The following TBKBP1 variants were observed in gnomAD, a reference collection of about 807,000 sequenced individuals.
TBKBP1 encodes TANK-binding kinase 1-binding protein 1.
In TBKBP1, 47 loss-of-function variants were observed where a neutral mutation model predicts 69.9. That is an observed-to-expected ratio of 0.67 (90% CI 0.53 to 0.86). The LOEUF is 0.86. Ranked by LOEUF, TBKBP1 falls within the 40% of genes least tolerant of loss-of-function variation. The pLI, the probability that TBKBP1 is intolerant of heterozygous loss-of-function variation, is 0.00. For missense variants in TBKBP1, 831 were observed against 858.6 expected, an observed-to-expected ratio of 0.97 and a Z score of 0.40; for synonymous variants, 418 against 390.3, an observed-to-expected ratio of 1.07 and a Z score of -0.84.
At chr17:47,705,611 C>G (rs569535053) in intron 7 of TBKBP1, among the ~76,000 whole-genome samples, 1 of 152,322 alleles carries the variant, frequency 6.6e-6, no homozygotes, top group South Asian at 2.1e-4. Context: ...GCCAGGAAGC[C>G]AGGAAATGGA....
chr17:47,706,242 C>T (rs1287649977), intron 7 of TBKBP1, among the ~76,000 whole-genome samples: 1 of 152,146 alleles, frequency 6.6e-6, no homozygotes, highest in Non-Finnish European at 1.5e-5. Context: ...CCTCTCCTTC[C>T]CCTGCTGCCA....
At position 47,709,422 on chromosome 17, in the gene TBKBP1, C is replaced by T. The variant is rs764528283; in HGVS notation, c.1689C>T (p.Ala563=). The T allele has an allele frequency of 3.9e-6, 6 of 1,542,060 alleles. No individual in the cohort carries two copies. The highest frequency in any genetic ancestry group is 3.8e-5 in the Admixed American group (2 of 52,856). Reference sequence around the variant, plus strand: ...CCGCCGCCACCGCCTACGCCCACGCCGAGCACGCGCAGTCCTGGCCGTCCA... The same window carrying T: ...CCGCCGCCACCGCCTACGCCCACGCTGAGCACGCGCAGTCCTGGCCGTCCA... ...ESPAATAYAH[A]EHAQSWPSIN... The change falls in exon 9 of 10, where the codon GCC becomes GCT. Residue 563 remains alanine (A), a synonymous_variant. Coordinates refer to ENST00000578982, the MANE Select transcript of TBKBP1 (RefSeq NM_001394755.1).
chr17:47,696,124 G>A lies in TBKBP1; in HGVS notation c.12G>A (p.Met4Ile), dbSNP rs777410274. ...GCCCGGCCCTCACCATGGAGTCCAT[G>A]TTCGAGGACGACATCAGCATCCTGA... MES[M>I]FEDDISILTQ... Residue 4 changes from methionine (M) to isoleucine (I), a missense_variant, in exon 2 of 10, where the codon ATG (methionine) becomes ATA (isoleucine). Physicochemically the swap from Met to Ile is conservative, Grantham distance 10. Coordinates refer to ENST00000578982, the MANE Select transcript of TBKBP1 (RefSeq NM_001394755.1). The A allele has an allele frequency of 1.4e-4, 229 of 1,611,344 alleles. No individual in the cohort carries two copies. Among genetic ancestry groups the A allele is most frequent in the Non-Finnish European group, 1.9e-4 (219 of 1,179,232 alleles).
chr17:47,707,969 T>C (rs2031753682), intron 7 of TBKBP1, among the ~76,000 whole-genome samples: 1 of 152,240 alleles, frequency 6.6e-6, no homozygotes, highest in African/African-American at 2.4e-5. Flanking sequence ...TGACAGAAGC[T>C]ACTATAAATT....
chr17:47,710,728 C>T lies in TBKBP1; in HGVS notation c.*102C>T, dbSNP rs1317243219. The T allele has an allele frequency of 4.0e-5, 59 of 1,461,536 alleles. No homozygotes were observed. Among genetic ancestry groups the T allele is most frequent in the East Asian group, 1.2e-4 (5 of 41,656 alleles). 90.5% of individuals were successfully genotyped at this position (1,461,536 alleles called of 1,614,324 possible). A position where few individuals can be genotyped will look rare whatever the true frequency, so the allele number is the denominator to read the frequency against. ...ATCTCGTGGGGGGTCCCTGCCCTTGCGACCCCCAGATACCTCCACTTGCTA... is the reference window on the plus strand; with the variant it reads ...ATCTCGTGGGGGGTCCCTGCCCTTGTGACCCCCAGATACCTCCACTTGCTA... On this transcript the variant is annotated 3_prime_UTR_variant, in exon 10 of 10. Transcript: ENST00000578982.
Position 47,696,249 on chromosome 17 carries a change from C to G in TBKBP1, c.137C>G (p.Thr46Ser). 13 of 1,613,752 alleles carry G rather than the reference C, an allele frequency of 8.1e-6. No homozygotes were observed. The highest frequency in any genetic ancestry group is 1.1e-5 in the Non-Finnish European group (13 of 1,179,852). The stretch of plus-strand genomic sequence containing the variant: ...TCCGCCTCCCACTTTGCCCTCATCA[C>G]TGCTTACGGAGACATCAAGGAACGG... ...MCSASHFALI[T>S]AYGDIKERLG... Residue 46 changes from threonine (T) to serine (S), a missense_variant, in exon 2 of 10, where the codon ACT (threonine) becomes AGT (serine). Thr to Ser is a moderately conservative substitution (Grantham distance 58). Transcript: ENST00000578982.
chr17:47,696,945 C>T, intron 3 of TBKBP1, 112 bp downstream of exon 3: 1 of 1,526,546 alleles, frequency 6.6e-7, no homozygotes, highest in South Asian at 1.3e-5. Flanking sequence ...TTAGAGATGG[C>T]CAGGTCCTCC....
rs2031217125 is a variant in TBKBP1, at chr17:47,696,050, C to G, written c.-34-29C>G. The G allele has an allele frequency of 7.5e-6, 10 of 1,327,964 alleles. No individual in the cohort carries two copies. The East Asian group carries it at 2.4e-4, about 31-fold the overall frequency. The allele number at this position is 1,327,964 out of a possible 1,614,324, so 82.3% of individuals were successfully genotyped here. ...CAGGGACAAACCCTAGACAGACGGC[C>G]CTGTCCACGGTTGCTCCTGCTCTCC... On this transcript the variant is annotated intron_variant, in intron 1 of 9. Coordinates refer to ENST00000578982, the MANE Select transcript of TBKBP1 (RefSeq NM_001394755.1).
At chr17:47,698,840 C>T in intron 5 of TBKBP1, 65 bp downstream of exon 5, 1 of 1,372,268 alleles carries the variant, frequency 7.3e-7, no homozygotes, top group Non-Finnish European at 9.8e-7. Context: ...TTCCTAGACA[C>T]CTCGCACTTA....
rs2031801557 is a variant in TBKBP1 at position 47,708,915 on chromosome 17, C to T, written c.1182C>T (p.Pro394=). The stretch of plus-strand genomic sequence containing the variant: ...CGGCCTCACCCTCCTGCCCGTCGCC[C>T]GTCCCGCAGCGCCGCTCGCCGGTGC... ...RSPASPSCPS[P]VPQRRSPVPP... is the part of the protein sequence containing the mutation. Residue 394 remains proline (P), a synonymous_variant, in exon 9 of 10, where the codon CCC becomes CCT. Coordinates refer to ENST00000578982, the MANE Select transcript of TBKBP1 (RefSeq NM_001394755.1). This position sits in a 1 kb window ranked among gnomAD's most constrained non-coding sequence, Gnocchi z 4.4. The T allele has an allele frequency of 7.4e-7, 1 of 1,350,366 alleles. No homozygotes were observed. Among genetic ancestry groups the T allele is most frequent in the Non-Finnish European group, 9.5e-7 (1 of 1,049,244 alleles). 83.6% of individuals were successfully genotyped at this position (1,350,366 alleles called of 1,614,324 possible).
At chr17:47,700,290 T>C (rs2031445393) in intron 7 of TBKBP1, among the ~76,000 whole-genome samples, 1 of 70,746 alleles carries the variant, frequency 1.4e-5, no homozygotes, top group African/African-American at 8.5e-5. Context: ...CGCCCGGACC[T>C]TTTTTTTTTT....
At chr17:47,698,452 A>G (rs2031338215) in intron 4 of TBKBP1, 143 bp from the exon 5 acceptor site, 2 of 849,954 alleles carry the variant, frequency 2.4e-6, no homozygotes, top group East Asian at 5.8e-5. Flanking sequence ...GGTGGCTGAG[A>G]GGAGACTTTG....
intron 7 of TBKBP1, among the ~76,000 whole-genome samples, chr17:47,703,696 A>G (rs1359760696): frequency 6.6e-6 from 1 of 150,716 alleles, no homozygotes; most frequent in African/African-American, 2.4e-5. Context: ...GGCTCAAAAC[A>G]AGTTTCCCCC....
Position 47,708,418 on chromosome 17 carries a change from C to G in TBKBP1, c.897C>G (p.Thr299=), listed in dbSNP as rs372392812. 1 of 1,613,922 alleles carries G rather than the reference C, an allele frequency of 6.2e-7. No individual in the cohort carries two copies. Among genetic ancestry groups the G allele is most frequent in the Admixed American group, 1.7e-5 (1 of 60,014 alleles). ...GGGTGAATTTGGCGCTGGCCTACAC[C>G]GAGCTGACGGAGGAGCTGGGCCGGC... ...DDQVNLALAY[T]ELTEELGRLR... is the part of the protein sequence containing the mutation. The change falls in exon 8 of 10, where the codon ACC becomes ACG. Residue 299 remains threonine (T), a synonymous_variant. Transcript: ENST00000578982. The surrounding 1 kb of genome is among the most constrained non-coding windows in gnomAD (Gnocchi z 4.4).
rs1442310303 is a variant in TBKBP1 at position 47,710,564 on chromosome 17, G to A, written c.1786G>A (p.Gly596Arg). 3 of 1,612,438 alleles carry A rather than the reference G, an allele frequency of 1.9e-6. No individual in the cohort carries two copies. The highest frequency in any genetic ancestry group is 1.7e-5 in the Admixed American group (1 of 59,982). Reference sequence around the variant, plus strand: ...CCTCTGCCAGCTGGGTTTCCCTGTCGGGTACCCGGATGATGCCCTCATCAA... The same window carrying A: ...CCTCTGCCAGCTGGGTTTCCCTGTCAGGTACCCGGATGATGCCCTCATCAA... ...CPLCQLGFPVGYPDDALIKHI... is the reference protein window; with the variant it reads ...CPLCQLGFPVRYPDDALIKHI... The change falls in exon 10 of 10, where the codon GGG (glycine) becomes AGG (arginine). Residue 596 changes from glycine to arginine, a missense_variant. Physicochemically the swap from Gly to Arg is moderately radical, Grantham distance 125. Coordinates refer to ENST00000578982, the MANE Select transcript of TBKBP1 (RefSeq NM_001394755.1).
Position 47,697,202 on chromosome 17 carries a change from T to G in TBKBP1, c.453+9T>G. 1 of 1,609,490 alleles carries G rather than the reference T, an allele frequency of 6.2e-7. No homozygotes were observed. Among genetic ancestry groups the G allele is most frequent in the Non-Finnish European group, 8.5e-7 (1 of 1,177,626 alleles). On this transcript the variant is annotated intron_variant, in intron 4 of 9. Transcript: ENST00000578982. ...CAGAGCTGAGGGAGATGGTGAGGCC[T>G]GGGGAGCCGGAGGTGCTTGAGGATG...
Position 47,709,201 on chromosome 17 carries a change from C to T in TBKBP1, c.1468C>T (p.Arg490Trp), listed in dbSNP as rs1337545903. Residue 490 changes from arginine to tryptophan, a missense_variant, in exon 9 of 10, where the codon CGG becomes TGG. Transcript: ENST00000578982. ...CGAAGCGGCCACTCTCCCCAAGCCC[C>T]GGGCCTACGGCAGCGAGCTCTACGG... The part of the protein sequence containing the change: ...QAEAATLPKP[R>W]AYGSELYGPG... The T allele has an allele frequency of 1.2e-5, 18 of 1,513,542 alleles. No homozygotes were observed. Among genetic ancestry groups the T allele is most frequent in the Non-Finnish European group, 1.3e-5 (15 of 1,140,068 alleles). The allele number at this position is 1,513,542 out of a possible 1,614,324, so 93.8% of individuals were successfully genotyped here.
At chr17:47,704,550 G>A (rs1246785409) in intron 7 of TBKBP1, among the ~76,000 whole-genome samples, 1 of 152,188 alleles carries the variant, frequency 6.6e-6, no homozygotes, top group Non-Finnish European at 1.5e-5. Context: ...AGGATGGAAG[G>A]GCCCTGGAAG....
intron 1 of TBKBP1, among the ~76,000 whole-genome samples, chr17:47,695,000 C>T (rs867645639): frequency 3.3e-5 from 5 of 151,786 alleles, no homozygotes; most frequent in African/African-American, 7.3e-5. Context: ...TGCCGAGCCC[C>T]CTCTCCGGGG....
Sources: allele counts gnomAD v4.1 joint callset (sites outside exome capture counted in the v4.1 genomes callset), GRCh38; gene constraint gnomAD v4.1.1; non-coding constraint Gnocchi (gnomAD v3.1); transcripts MANE v1.5; gene names NCBI Gene and HGNC (gene_info 2026-07-23, HGNC 2026-07-21).